Variants in LRRFIP1 observed in about 807,000 individuals in gnomAD.
LRRFIP1 encodes leucine-rich repeat flightless-interacting protein 1.
A neutral mutation model predicts 104.4 loss-of-function variants in LRRFIP1; 62 were observed. That is an observed-to-expected ratio of 0.59 (90% CI 0.48 to 0.73). The LOEUF (loss-of-function observed/expected upper bound fraction) is 0.73, where lower values mean the gene tolerates loss of function less well. Among genes scored for constraint, LRRFIP1 ranks in the 30% least tolerant of loss-of-function variants. The probability of loss-of-function intolerance (pLI) is 0.00; values close to 1 mark genes in which losing one functional copy is unlikely to be tolerated. For synonymous variants in LRRFIP1, 300 were observed against 299.0 expected, an observed-to-expected ratio of 1.00 and a Z score of -0.03; for missense variants, 796 against 824.5, an observed-to-expected ratio of 0.97 and a Z score of 0.42.
At chr2:237,755,485 C>T (rs982434335) in intron 15 of LRRFIP1, among the ~76,000 whole-genome samples, 1 of 152,252 alleles carries the variant, frequency 6.6e-6, no homozygotes, top group Non-Finnish European at 1.5e-5. Context: ...GTGGAAGACA[C>T]CAGGCTCCCT....
intron 1 of LRRFIP1, among the ~76,000 whole-genome samples, chr2:237,701,380 C>G (rs1269377510): frequency 6.6e-6 from 1 of 152,258 alleles, no homozygotes; most frequent in Non-Finnish European, 1.5e-5. Context: ...CCACTGCCTA[C>G]AACACCTCCA....
At chr2:237,748,426 G>C (rs1009909609) in intron 12 of LRRFIP1, 27 bp downstream of exon 12, 3 of 1,572,826 alleles carry the variant, frequency 1.9e-6, no homozygotes, top group Non-Finnish European at 2.6e-6. Context: ...AAACCTAGAG[G>C]GTCCCAAAAG....
chr2:237,774,511 T>C, intron 23 of LRRFIP1, 49 bp downstream of exon 23: 1 of 1,249,518 alleles, frequency 8.0e-7, no homozygotes, highest in Non-Finnish European at 1.2e-6. Context: ...CCAGTATTTC[T>C]CTAGTGGGGA....
intron 17 of LRRFIP1, among the ~76,000 whole-genome samples, chr2:237,758,237 T>C (rs889868381): frequency 2.6e-4 from 39 of 152,244 alleles, no homozygotes; most frequent in African/African-American, 9.1e-4. Flanking sequence ...TGTGTGTGTG[T>C]GTGTGTGTCT....
intron 1 of LRRFIP1, among the ~76,000 whole-genome samples, chr2:237,675,760 A>C (rs2091067623): frequency 6.6e-6 from 1 of 152,232 alleles, no homozygotes; most frequent in African/African-American, 2.4e-5. Context: ...ACATAAAAAC[A>C]CCCATGGCTC....
At chr2:237,733,637 G>A (rs1575981644) in intron 8 of LRRFIP1, 137 bp from the exon 9 acceptor site, 1 of 727,672 alleles carries the variant, frequency 1.4e-6, no homozygotes. Context: ...ACGGTGCCTC[G>A]ATCGGTTTGT....
rs565216446 is a variant in LRRFIP1, at chr2:237,659,717, A to T, written c.96+31977A>T. On this transcript the variant is annotated intron_variant, in intron 1 of 23. Coordinates refer to ENST00000308482, the MANE Select transcript of LRRFIP1 (RefSeq NM_001137550.2). ...GAGTACAGCGGTGCGATCATTGCTC[A>T]TCGCTGCCTCGCTCCTGGGCTCAAG... Among the ~76,000 whole-genome samples, 440 of 151,716 alleles carry T rather than the reference A, an allele frequency of 2.9e-3. 1 individual carries two copies. Among genetic ancestry groups the T allele is most frequent in the Non-Finnish European group, 4.6e-3 (309 of 67,878 alleles).
intron 1 of LRRFIP1, among the ~76,000 whole-genome samples, chr2:237,638,414 T>TCGCTCACTCACCCGCCTGC (rs2083406276): frequency 6.6e-6 from 1 of 152,220 alleles, no homozygotes; most frequent in South Asian, 2.1e-4. Flanking sequence ...AGATGAAGCT[T>TCGCTCACTCACCCGCCTGC]CGCTCACTCA....
chr2:237,742,462 C>T (rs542397436), intron 11 of LRRFIP1, among the ~76,000 whole-genome samples: 58 of 152,260 alleles, frequency 3.8e-4, no homozygotes, highest in African/African-American at 1.3e-3. Flanking sequence ...AGTTCCCTCG[C>T]GGATGTGTTA....
chr2:237,673,770 C>G (rs979053767), intron 1 of LRRFIP1, among the ~76,000 whole-genome samples: 1 of 152,114 alleles, frequency 6.6e-6, no homozygotes, highest in Non-Finnish European at 1.5e-5. Flanking sequence ...GAGGCCTGCT[C>G]TAAGACAGCA....
rs149848035 is a variant in LRRFIP1 at position 237,703,375 on chromosome 2, C to T, written c.97-5169C>T. Among the ~76,000 whole-genome samples the T allele has an allele frequency of 3.0e-3, 464 of 152,300 alleles. 4 individuals are homozygous for T. The highest frequency in any genetic ancestry group is 0.01 in the African/African-American group (419 of 41,560). ...TTGGTTTCCTGTTGCTCTTCCCACCCCATACCTGCTCCCCACATTTCTATC... is the reference window on the plus strand; with the variant it reads ...TTGGTTTCCTGTTGCTCTTCCCACCTCATACCTGCTCCCCACATTTCTATC... On this transcript the variant is annotated intron_variant, in intron 1 of 23. Transcript: ENST00000308482. The surrounding 1 kb of genome is among the most constrained non-coding windows in gnomAD (Gnocchi z 4.3).
At chr2:237,676,376 T>A (rs1407294226) in intron 1 of LRRFIP1, among the ~76,000 whole-genome samples, 3 of 152,254 alleles carry the variant, frequency 2.0e-5, no homozygotes, top group African/African-American at 7.2e-5. Flanking sequence ...GAATCCCATG[T>A]TGCCGGTCCT....
chr2:237,629,927 C>T (rs2082115708), intron 1 of LRRFIP1, among the ~76,000 whole-genome samples: 1 of 152,168 alleles, frequency 6.6e-6, no homozygotes, highest in African/African-American at 2.4e-5. Flanking sequence ...TGACATAGTT[C>T]TTAGCCAGCT....
intron 8 of LRRFIP1, among the ~76,000 whole-genome samples, chr2:237,730,212 A>T (rs995455505): frequency 4.6e-5 from 7 of 152,260 alleles, no homozygotes; most frequent in African/African-American, 1.7e-4. Flanking sequence ...TGAAGAGTAC[A>T]TGCAAACTTT....
At chr2:237,681,678 C>T (rs1399432976) in intron 1 of LRRFIP1, among the ~76,000 whole-genome samples, 194 of 44,824 alleles carry the variant, frequency 4.3e-3, no homozygotes, top group Middle Eastern at 0.031. Context: ...CAGTCCTATT[C>T]TTTTTTTTTT....
At chr2:237,708,833 T>A in intron 2 of LRRFIP1, 1 of 700,764 alleles carries the variant, frequency 1.4e-6, no homozygotes, top group South Asian at 1.5e-5. Flanking sequence ...TGCTCAGACC[T>A]GCTGGCTCCT....
At chr2:237,734,188 A>G (rs1466887123) in intron 9 of LRRFIP1, among the ~76,000 whole-genome samples, 1 of 151,382 alleles carries the variant, frequency 6.6e-6, no homozygotes, top group Admixed American at 6.6e-5. Context: ...TACTTTGGAA[A>G]TTTCCAGTTT....
rs56281479 is a variant in LRRFIP1 at position 237,771,566 on chromosome 2, G to A, written c.1510-515G>A. ...CTGGAACCAATCCCCCCCCCCCCCCGCCCAGATACCAAGGGACAACTGGAC... is the reference window on the plus strand; with the variant it reads ...CTGGAACCAATCCCCCCCCCCCCCCACCCAGATACCAAGGGACAACTGGAC... On this transcript the variant is annotated intron_variant, in intron 20 of 23. Coordinates refer to ENST00000308482, the MANE Select transcript of LRRFIP1 (RefSeq NM_001137550.2). 2.6e-4 allele frequency among the ~76,000 whole-genome samples: 15 copies of A among 57,234 alleles called. No homozygotes were observed. The South Asian group carries it at 0.012, about 47-fold the overall frequency. The allele number at this position is 57,234 out of a possible 152,430, so 37.5% of individuals were successfully genotyped here.
chr2:237,731,236 A>G (rs2150326443), intron 8 of LRRFIP1, among the ~76,000 whole-genome samples: 1 of 152,324 alleles, frequency 6.6e-6, no homozygotes, highest in African/African-American at 2.4e-5. Context: ...TAGAAGAAAT[A>G]GCTCTGACCC....
Sources: gnomAD v4.1 joint callset for allele counts (sites outside exome capture counted in the v4.1 genomes callset) on GRCh38, gnomAD v4.1.1 for gene constraint, Gnocchi (gnomAD v3.1) non-coding constraint, MANE v1.5 for transcripts, NCBI Gene and HGNC (gene_info 2026-07-23, HGNC 2026-07-21) for gene names.